The following PIEZO2 variants were observed in gnomAD, a reference collection of about 807,000 sequenced individuals.
PIEZO2 encodes piezo-type mechanosensitive ion channel component 2.
In PIEZO2, 172 loss-of-function variants were observed where a neutral mutation model predicts 337.3. The ratio of observed to expected loss-of-function variants is 0.51; its 90% CI spans 0.45 to 0.58. The LOEUF (loss-of-function observed/expected upper bound fraction) is 0.58. Ranked by LOEUF, PIEZO2 falls within the 20% of genes least tolerant of loss-of-function variation. The probability of loss-of-function intolerance (pLI) is 0.00; values close to 1 mark genes in which losing one functional copy is unlikely to be tolerated. For missense variants in PIEZO2, 3,028 were observed against 3,391.3 expected, an observed-to-expected ratio of 0.89 and a Z score of 2.66; for synonymous variants, 1,251 against 1,228.5, an observed-to-expected ratio of 1.02 and a Z score of -0.38.
intron 27 of PIEZO2, 39 bp downstream of exon 27, chr18:10,757,930 C>A (rs1156936465): frequency 4.0e-6 from 6 of 1,497,420 alleles, no homozygotes; most frequent in South Asian, 1.3e-5. Flanking sequence ...GAAATGCACA[C>A]ATCAAAGTGG....
At position 11,143,145 on chromosome 18, in the gene PIEZO2, AT is replaced by A. The variant is rs200136045; in HGVS notation, c.64+5379del. Among the ~76,000 whole-genome samples the A allele has an allele frequency of 1.2e-4, 18 of 151,786 alleles. No homozygotes were observed. The highest frequency in any genetic ancestry group is 1.2e-3 in the East Asian group (6 of 5,160). ...TTGTTTTTAGCCTCAGTTCAATGGG[AT>A]TTTTTTTTGACTGATTCCATGTCCT... On this transcript the variant is annotated intron_variant, in intron 1 of 55. Coordinates refer to ENST00000674853, the MANE Select transcript of PIEZO2 (RefSeq NM_001378183.1). This position sits in a 1 kb window ranked among gnomAD's most constrained non-coding sequence, Gnocchi z 4.9.
At chr18:11,136,269 C>A (rs968183240) in intron 1 of PIEZO2, among the ~76,000 whole-genome samples, 1 of 152,186 alleles carries the variant, frequency 6.6e-6, no homozygotes, top group African/African-American at 2.4e-5. Context: ...TGCTTTGCAG[C>A]AAAACTGATC....
At position 10,822,638 on chromosome 18, in the gene PIEZO2, C is replaced by A. The variant is rs1278969593; in HGVS notation, c.918-15364G>T. Reference sequence around the variant, plus strand: ...CCTAGTGGAATCAGCTCTCATAGGTCGGGAAGGAGTGAACCTGTGGACTAA... The same window carrying A: ...CCTAGTGGAATCAGCTCTCATAGGTAGGGAAGGAGTGAACCTGTGGACTAA... On this transcript the variant is annotated intron_variant, in intron 7 of 55. Coordinates refer to ENST00000674853, the MANE Select transcript of PIEZO2 (RefSeq NM_001378183.1). 3.3e-5 allele frequency among the ~76,000 whole-genome samples: 5 copies of A among 152,262 alleles called. No individual in the cohort carries two copies. The East Asian group carries it at 9.7e-4, about 29-fold the overall frequency.
chr18:10,773,936 G>A lies in PIEZO2; in HGVS notation c.2567+70C>T, dbSNP rs2038695434. On this transcript the variant is annotated intron_variant, in intron 19 of 55. Coordinates refer to ENST00000674853, the MANE Select transcript of PIEZO2 (RefSeq NM_001378183.1). The surrounding 1 kb of genome is among the most constrained non-coding windows in gnomAD (Gnocchi z 5.3). ...TTTCCCAGAGGAGAAAATGGTCAGA[G>A]TTTAGGGTGTAGAAGCATGAAATGG... 1.4e-6 allele frequency: 1 copy of A among 696,396 alleles called. No individual in the cohort carries two copies. The highest frequency in any genetic ancestry group is 1.5e-5 in the South Asian group (1 of 66,152). The allele number at this position is 696,396 out of a possible 1,614,324, so 43.1% of individuals were successfully genotyped here.
chr18:10,930,315 T>G (rs9954582), intron 3 of PIEZO2, among the ~76,000 whole-genome samples: 15,705 of 152,206 alleles, frequency 0.1, 891 homozygotes, highest in African/African-American at 0.14. Context: ...GACAAGAACT[T>G]GGCTTCCACA....
chr18:10,719,538 G>A (rs1388815508), intron 36 of PIEZO2, among the ~76,000 whole-genome samples: 1 of 152,116 alleles, frequency 6.6e-6, no homozygotes, highest in Admixed American at 6.6e-5. Context: ...TCATTTTTAT[G>A]GCACAGTAGT....
chr18:10,720,987 C>T (rs2036287462), intron 36 of PIEZO2, among the ~76,000 whole-genome samples: 1 of 152,200 alleles, frequency 6.6e-6, no homozygotes, highest in African/African-American at 2.4e-5. Flanking sequence ...TACTTGGCTA[C>T]AAGAAATCCT....
intron 49 of PIEZO2, among the ~76,000 whole-genome samples, chr18:10,683,085 T>C (rs1273701695): frequency 6.6e-6 from 1 of 152,218 alleles, no homozygotes; most frequent in African/African-American, 2.4e-5. Flanking sequence ...ATGACCTCCA[T>C]CCTTTCAGGG....
intron 1 of PIEZO2, among the ~76,000 whole-genome samples, chr18:11,147,757 G>C (rs1483648172): frequency 6.6e-6 from 1 of 152,222 alleles, no homozygotes; most frequent in Non-Finnish European, 1.5e-5. Context: ...TGCTTTGCAC[G>C]CCAGGCCAGT....
In PIEZO2 at chr18:10,780,371, G is replaced by A. The variant is rs1217265699; in HGVS notation, c.2493-5C>T. 11 of 702,914 alleles carry A rather than the reference G, an allele frequency of 1.6e-5. 1 individual carries two copies. The Admixed American group carries it at 1.6e-4, about 10-fold the overall frequency. 43.5% of individuals were successfully genotyped at this position (702,914 alleles called of 1,614,324 possible). On this transcript the variant is annotated splice_region_variant and splice_polypyrimidine_tract_variant and intron_variant, in intron 17 of 55. Coordinates refer to ENST00000674853, the MANE Select transcript of PIEZO2 (RefSeq NM_001378183.1). ...CGACCATTGACTTTGGCATGGCTAC[G>A]AGGTGGCAGACGGAAGCACAGGGAT...
In PIEZO2 at chr18:10,759,715, A is replaced by G. The variant is rs1165114295; in HGVS notation, c.3645T>C (p.Ala1215=). The G allele has an allele frequency of 6.5e-7, 1 of 1,537,190 alleles. No homozygotes were observed. The highest frequency in any genetic ancestry group is 1.4e-5 in the African/African-American group (1 of 73,062). Residue 1215 remains alanine, a synonymous_variant, in exon 25 of 56, where the codon GCT becomes GCC. Coordinates refer to ENST00000674853, the MANE Select transcript of PIEZO2 (RefSeq NM_001378183.1). This position sits in a 1 kb window ranked among gnomAD's most constrained non-coding sequence, Gnocchi z 5.5. ...GAAGGGCAGGCTCACCTCGGCAAGG[A>G]GCAGGTGGGATGCCAATGCAGATGA... The part of the protein sequence containing the change: ...QYFICIGIPP[A]PCRDYPWRFK...
Position 10,744,181 on chromosome 18 carries a change from A to G in PIEZO2, c.4475T>C (p.Ile1492Thr), listed in dbSNP as rs879628108. 51 of 1,536,926 alleles carry G rather than the reference A, an allele frequency of 3.3e-5. No homozygotes were observed. Among genetic ancestry groups the G allele is most frequent in the African/African-American group, 5.5e-5 (4 of 73,024 alleles). ...ATIVKAVKAR[I>T]EEEKKSMDQL... ...GTCCATGGACTTCTTCTCTTCCTCA[A>G]TTCTTGCCTTTACAGCTTTTACAAT... The change falls in exon 31 of 56, where the codon ATT becomes ACT. Residue 1492 changes from isoleucine (I) to threonine (T), a missense_variant. By Grantham distance (89) the Ile-to-Thr change is moderately conservative. Around this residue, in one of 5 missense-constraint regions of PIEZO2, gnomAD observed 1,925 missense variants for 2,051.9 expected, o/e 0.94. Transcript: ENST00000674853.
At chr18:11,091,229 C>CA (rs1489356067) in intron 1 of PIEZO2, among the ~76,000 whole-genome samples, 1 of 151,406 alleles carries the variant, frequency 6.6e-6, no homozygotes, top group Non-Finnish European at 1.5e-5. Flanking sequence ...ACTAAAAATA[C>CA]AAAAATTAGC....
In PIEZO2 at chr18:11,127,064, GAGA is replaced by G. The variant is rs1206010633; in HGVS notation, c.64+21458_64+21460del. On this transcript the variant is annotated intron_variant, in intron 1 of 55. Coordinates refer to ENST00000674853, the MANE Select transcript of PIEZO2 (RefSeq NM_001378183.1). The surrounding 1 kb of genome is among the most constrained non-coding windows in gnomAD (Gnocchi z 4.5). ...GAACAAACGGTTTAGTTGGAGGAGAGAGAAGGAGGCAGGAGGCAGATATTACTA... is the reference window on the plus strand; with the variant it reads ...GAACAAACGGTTTAGTTGGAGGAGAGAGGAGGCAGGAGGCAGATATTACTA... 6.6e-6 allele frequency among the ~76,000 whole-genome samples: 1 copy of G among 152,194 alleles called. No individual in the cohort carries two copies. The highest frequency in any genetic ancestry group is 1.9e-4 in the East Asian group (1 of 5,194).
intron 11 of PIEZO2, 76 bp downstream of exon 11, chr18:10,800,261 A>C: frequency 6.8e-7 from 1 of 1,468,990 alleles, no homozygotes; most frequent in African/African-American, 1.4e-5. Context: ...TAAAATAAGC[A>C]ACAACAACAA....
intron 7 of PIEZO2, among the ~76,000 whole-genome samples, chr18:10,814,134 A>AT (rs1306004325): frequency 1.3e-5 from 2 of 151,662 alleles, no homozygotes; most frequent in African/African-American, 2.4e-5. Context: ...CGCCCAGCTA[A>AT]TTTTTTGTAT....
rs570220042 is a variant in PIEZO2 at position 10,698,789 on chromosome 18, G to T, written c.6694+136C>A. 1.0e-5 allele frequency: 12 copies of T among 1,176,784 alleles called. No individual in the cohort carries two copies. In the South Asian group the frequency reaches 1.9e-4, roughly 19 times the overall value. 72.9% of individuals were successfully genotyped at this position (1,176,784 alleles called of 1,614,324 possible). ...GAACTCGGGTTTCTCTGATTTCAAA[G>T]CCCTTTCTTTTCACATAACAATGTC... On this transcript the variant is annotated intron_variant, in intron 44 of 55. Coordinates refer to ENST00000674853, the MANE Select transcript of PIEZO2 (RefSeq NM_001378183.1).
intron 7 of PIEZO2, among the ~76,000 whole-genome samples, chr18:10,823,569 A>G (rs1217957913): frequency 1.3e-5 from 2 of 152,226 alleles, no homozygotes; most frequent in South Asian, 2.1e-4. Context: ...TCATTCACGC[A>G]TCCTCAAATA....
Position 11,015,060 on chromosome 18 carries a change from T to G in PIEZO2, c.161-35400A>C, listed in dbSNP as rs1413071076. Among the ~76,000 whole-genome samples, 12 of 110,580 alleles carry G rather than the reference T, an allele frequency of 1.1e-4. 1 individual carries two copies. The highest frequency in any genetic ancestry group is 5.0e-4 in the African/African-American group (12 of 23,896). 72.5% of individuals were successfully genotyped at this position (110,580 alleles called of 152,430 possible). ...GATCCATGACCCCCTCATTCCTCAG[T>G]GTGGGGAAGATGTCACCCTGGGCGG... On this transcript the variant is annotated intron_variant, in intron 2 of 55. Coordinates refer to ENST00000674853, the MANE Select transcript of PIEZO2 (RefSeq NM_001378183.1).
Sources: gnomAD v4.1 joint callset for allele counts (sites outside exome capture counted in the v4.1 genomes callset) on GRCh38, gnomAD v4.1.1 for gene constraint, gnomAD v4.1.1 regional missense constraint, Gnocchi (gnomAD v3.1) non-coding constraint, MANE v1.5 for transcripts, NCBI Gene and HGNC (gene_info 2026-07-23, HGNC 2026-07-21) for gene names.